USP40: variants seen among roughly 807,000 people sequenced by gnomAD.
USP40 encodes ubiquitin carboxyl-terminal hydrolase 40.
Under a neutral mutation model 166.2 loss-of-function variants are expected in USP40, and 143 were observed. That is an observed-to-expected ratio of 0.86 (90% CI 0.75 to 0.99). The LOEUF (loss-of-function observed/expected upper bound fraction) is 0.99. USP40 is among the 50% of genes least tolerant of loss of function. The pLI, the probability that USP40 is intolerant of heterozygous loss-of-function variation, is 0.00. For synonymous variants in USP40, 498 were observed against 524.0 expected (o/e 0.95, Z 0.68); for missense variants, 1,444 against 1,479.7 (o/e 0.98, Z 0.40).
At chr2:233,554,357 A>C (rs922363602) in intron 6 of USP40, 23 bp downstream of exon 6, 32 of 1,581,178 alleles carry the variant, frequency 2.0e-5, no homozygotes, top group Non-Finnish European at 2.6e-5. Flanking sequence ...GGACCCTGGG[A>C]AAAAGCAGTT....
Position 233,556,912 on chromosome 2 carries a change from A to G in USP40, c.489T>C (p.His163=), listed in dbSNP as rs199540416. The change falls in exon 5 of 32, where the codon CAT becomes CAC. Residue 163 remains histidine, a synonymous_variant. Coordinates refer to ENST00000678225, the MANE Select transcript of USP40 (RefSeq NM_001365479.2). The stretch of plus-strand genomic sequence containing the variant: ...AAACAATCTGGTTAACAATGGTTCC[A>G]TGGTACAGACGATAGATGAGGTCAT... ...SGHDLIYRLY[H]GTIVNQIVCK... is the part of the protein sequence containing the mutation. 3.1e-6 allele frequency: 5 copies of G among 1,613,942 alleles called. No individual in the cohort carries two copies. The highest frequency in any genetic ancestry group is 2.2e-5 in the South Asian group (2 of 91,022).
chr2:233,564,741 T>C (rs1408481990), intron 2 of USP40, among the ~76,000 whole-genome samples: 2 of 152,146 alleles, frequency 1.3e-5, no homozygotes, highest in Non-Finnish European at 1.5e-5. Flanking sequence ...CCCAGCAGGG[T>C]CTGGGCCAGC....
intron 6 of USP40, among the ~76,000 whole-genome samples, chr2:233,552,868 T>C (rs971103234): frequency 3.3e-5 from 5 of 152,234 alleles, no homozygotes; most frequent in Non-Finnish European, 7.3e-5. Context: ...TTGTCAGCTA[T>C]AGGAATAGTG....
chr2:233,566,707 C>G lies in USP40; in HGVS notation c.-43G>C. On this transcript the variant is annotated 5_prime_UTR_variant, in exon 1 of 32. Transcript: ENST00000678225. ...ACTGCCTAAAGCCCAGACCCCCGCC[C>G]TGGCCAAAACGCGAAGCGAACGAAC... 1 of 986,066 alleles carries G rather than the reference C, an allele frequency of 1.0e-6. No homozygotes were observed. Among genetic ancestry groups the G allele is most frequent in the Non-Finnish European group, 1.2e-6 (1 of 830,060 alleles). The allele number at this position is 986,066 out of a possible 1,614,324, so 61.1% of individuals were successfully genotyped here.
chr2:233,479,972 G>C (rs529062424), intron 31 of USP40, among the ~76,000 whole-genome samples: 1 of 152,202 alleles, frequency 6.6e-6, no homozygotes, highest in South Asian at 2.1e-4. Flanking sequence ...GAGTCTCCTC[G>C]CTCGGCTCCC....
chr2:233,556,260 G>T (rs138224933), intron 5 of USP40, among the ~76,000 whole-genome samples: 10 of 150,850 alleles, frequency 6.6e-5, no homozygotes, highest in Non-Finnish European at 1.2e-4. Flanking sequence ...AGGGCAAACA[G>T]GATTACATTT....
chr2:233,539,009 A>G (rs1010702339), intron 10 of USP40, among the ~76,000 whole-genome samples: 1 of 152,198 alleles, frequency 6.6e-6, no homozygotes, highest in Non-Finnish European at 1.5e-5. Flanking sequence ...AGTCTGAGTG[A>G]CAGAGCAAAA....
intron 24 of USP40, among the ~76,000 whole-genome samples, chr2:233,494,983 C>A (rs186596454): frequency 0.056 from 4,271 of 76,548 alleles, 391 homozygotes; most frequent in African/African-American, 0.2. Flanking sequence ...TATATATACA[C>A]ACACATAAAA....
In USP40 at chr2:233,489,347, G is replaced by A. The variant is rs770317075; in HGVS notation, c.3131+18C>T. 3.4e-5 allele frequency: 53 copies of A among 1,564,378 alleles called. No individual in the cohort carries two copies. Among genetic ancestry groups the A allele is most frequent in the Non-Finnish European group, 4.0e-5 (46 of 1,152,874 alleles). ...CAGCAGCAGAGAGGGACAGTGTTGC[G>A]TCCAGCAAGGAACCTACCTGAGTGG... On this transcript the variant is annotated intron_variant, in intron 27 of 31. Transcript: ENST00000678225.
rs1339978460 is a variant in USP40 at position 233,510,087 on chromosome 2, T to C, written c.2575A>G (p.Met859Val). The change falls in exon 21 of 32, where the codon ATG becomes GTG. Residue 859 changes from methionine to valine, a missense_variant. Physicochemically the swap from Met to Val is conservative, Grantham distance 21 (BLOSUM62 1). Transcript: ENST00000678225. ...MGSDVQPGTEMEIVVEETISV... is the reference protein window; with the variant it reads ...MGSDVQPGTEVEIVVEETISV... ...ATTGTTTCTTCTACTACGATTTCCA[T>C]TTCTGTCCCAGGTTGAACGTCACTC... 1 of 1,603,394 alleles carries C rather than the reference T, an allele frequency of 6.2e-7. No homozygotes were observed. The highest frequency in any genetic ancestry group is 8.5e-7 in the Non-Finnish European group (1 of 1,174,432).
At chr2:233,510,697 C>G (rs2066764222) in intron 20 of USP40, among the ~76,000 whole-genome samples, 1 of 152,138 alleles carries the variant, frequency 6.6e-6, no homozygotes, top group South Asian at 2.1e-4. Flanking sequence ...AGCCACCGCG[C>G]CCGGCCAACA....
intron 18 of USP40, among the ~76,000 whole-genome samples, chr2:233,514,673 G>C (rs916700312): frequency 7.9e-5 from 12 of 152,184 alleles, no homozygotes; most frequent in African/African-American, 2.9e-4. Flanking sequence ...AAATGGTTTG[G>C]AGAGGGGCAA....
At chr2:233,499,351 A>G (rs958511804) in intron 22 of USP40, among the ~76,000 whole-genome samples, 3 of 152,132 alleles carry the variant, frequency 2.0e-5, no homozygotes, top group Non-Finnish European at 4.4e-5. Flanking sequence ...ATTCCTTTCT[A>G]TGGCTGCACA....
At chr2:233,479,332 A>C (rs2064383536) in intron 31 of USP40, among the ~76,000 whole-genome samples, 1 of 152,214 alleles carries the variant, frequency 6.6e-6, no homozygotes, top group African/African-American at 2.4e-5. Context: ...TGGGAGGCCA[A>C]GGCGGGCTGA....
At chr2:233,540,983 GT>G (rs1169450612) in intron 9 of USP40, among the ~76,000 whole-genome samples, 1 of 152,152 alleles carries the variant, frequency 6.6e-6, no homozygotes, top group African/African-American at 2.4e-5. Context: ...CATTTTCCAT[GT>G]GCCATCTTCC....
At position 233,511,817 on chromosome 2, in the gene USP40, T is replaced by C; in HGVS notation, c.2438-20A>G. 1 of 1,572,356 alleles carries C rather than the reference T, an allele frequency of 6.4e-7. No individual in the cohort carries two copies. The highest frequency in any genetic ancestry group is 8.7e-7 in the Non-Finnish European group (1 of 1,153,864). ...CCGGCACTTAAAAAAATTTTGATAA[T>C]ATGATGAAGGTTATTAATTCCTAGC... On this transcript the variant is annotated intron_variant, in intron 19 of 31. Coordinates refer to ENST00000678225, the MANE Select transcript of USP40 (RefSeq NM_001365479.2).
chr2:233,494,934 A>ATATATATATATATATATTTATT (rs2065607753), intron 24 of USP40, among the ~76,000 whole-genome samples: 1 of 43,198 alleles, frequency 2.3e-5, no homozygotes, highest in Non-Finnish European at 4.1e-5. Context: ...ATATATATAT[A>ATATATATATATATATATTTATT]TATATATATA....
intron 30 of USP40, 59 bp downstream of exon 30, chr2:233,485,472 T>C: frequency 7.5e-7 from 1 of 1,326,358 alleles, no homozygotes. Context: ...AACGTCTCTA[T>C]AAAATCATGT....
At chr2:233,557,395 G>A (rs543279879) in intron 4 of USP40, among the ~76,000 whole-genome samples, 1 of 152,332 alleles carries the variant, frequency 6.6e-6, no homozygotes, top group Admixed American at 6.5e-5. Flanking sequence ...ACTGAGATCA[G>A]AGCACATGTG....
Sources: allele counts gnomAD v4.1 joint callset (sites outside exome capture counted in the v4.1 genomes callset), GRCh38; gene constraint gnomAD v4.1.1; transcripts MANE v1.5; gene names NCBI Gene and HGNC (gene_info 2026-07-23, HGNC 2026-07-21).